GAREM1: variants seen among roughly 807,000 people sequenced by gnomAD.
GAREM1 encodes GRB2-associated and regulator of MAPK protein 1.
A neutral mutation model predicts 71.3 loss-of-function variants in GAREM1; 26 were observed. The ratio of observed to expected loss-of-function variants is 0.36; its 90% CI spans 0.27 to 0.51. The LOEUF (loss-of-function observed/expected upper bound fraction) is 0.51, where lower values mean the gene tolerates loss of function less well. Ranked by LOEUF, GAREM1 falls within the 20% of genes least tolerant of loss-of-function variation. The pLI, the probability that GAREM1 is intolerant of heterozygous loss-of-function variation, is 0.95. For synonymous variants in GAREM1, 440 were observed against 433.2 expected (o/e 1.02, Z -0.20); for missense variants, 1,026 against 1,103.1 (o/e 0.93, Z 0.99).
intron 1 of GAREM1, among the ~76,000 whole-genome samples, chr18:32,465,908 CAAAAG>C (rs1568022477): frequency 3.3e-5 from 5 of 152,168 alleles, no homozygotes; most frequent in African/African-American, 1.2e-4. Context: ...ACTCACTTTA[CAAAAG>C]TAATGCACTT....
At chr18:32,381,205 A>G (rs1426666829) in intron 2 of GAREM1, among the ~76,000 whole-genome samples, 1 of 146,394 alleles carries the variant, frequency 6.8e-6, no homozygotes, top group African/African-American at 2.8e-5. Flanking sequence ...CCCAAGAACT[A>G]AAAGGACATT....
intron 2 of GAREM1, among the ~76,000 whole-genome samples, chr18:32,314,453 C>A (rs1229723637): frequency 6.6e-6 from 1 of 152,182 alleles, no homozygotes; most frequent in Non-Finnish European, 1.5e-5. Context: ...AATGGGGACA[C>A]TTCAAGGGCC....
At chr18:32,307,667 G>C (rs188477461) in intron 3 of GAREM1, among the ~76,000 whole-genome samples, 1 of 152,196 alleles carries the variant, frequency 6.6e-6, no homozygotes, top group South Asian at 2.1e-4. Context: ...GGGATTAGAG[G>C]TGTGTGCCAC....
At chr18:32,427,742 C>G (rs117892744) in intron 1 of GAREM1, among the ~76,000 whole-genome samples, 1 of 152,138 alleles carries the variant, frequency 6.6e-6, no homozygotes, top group Admixed American at 6.5e-5. Context: ...TAAGCTCAGA[C>G]AACTAAAATG....
At chr18:32,338,515 T>C (rs1420096139) in intron 2 of GAREM1, among the ~76,000 whole-genome samples, 1 of 152,234 alleles carries the variant, frequency 6.6e-6, no homozygotes, top group Admixed American at 6.5e-5. Context: ...TATGAGTTTT[T>C]AGTTTTGTAA....
chr18:32,400,553 G>T (rs1404203522), intron 1 of GAREM1, among the ~76,000 whole-genome samples: 2 of 152,316 alleles, frequency 1.3e-5, no homozygotes, highest in South Asian at 2.1e-4. Flanking sequence ...CATTTATGCA[G>T]CCAACAGACA....
chr18:32,433,917 T>C (rs984382293), intron 1 of GAREM1, among the ~76,000 whole-genome samples: 1 of 152,124 alleles, frequency 6.6e-6, no homozygotes, highest in Admixed American at 6.6e-5. Flanking sequence ...GGTTTTTTTG[T>C]AGATACAGAA....
intron 3 of GAREM1, among the ~76,000 whole-genome samples, chr18:32,299,198 TA>T (rs984285962): frequency 1.3e-5 from 2 of 151,706 alleles, no homozygotes; most frequent in Non-Finnish European, 2.9e-5. Flanking sequence ...AACATATAAT[TA>T]AAAAAAACTG....
At chr18:32,284,895 G>T (rs1156922363) in intron 4 of GAREM1, among the ~76,000 whole-genome samples, 4 of 151,696 alleles carry the variant, frequency 2.6e-5, no homozygotes, top group African/African-American at 9.7e-5. Context: ...GACTACAGGC[G>T]CCCGCCACCA....
chr18:32,292,251 AT>A (rs539173829), intron 3 of GAREM1, among the ~76,000 whole-genome samples: 34 of 149,052 alleles, frequency 2.3e-4, no homozygotes, highest in South Asian at 1.5e-3. Context: ...AGTGATGATG[AT>A]TTTTTTTTTC....
At chr18:32,397,905 T>C (rs935568075) in intron 1 of GAREM1, among the ~76,000 whole-genome samples, 2 of 152,292 alleles carry the variant, frequency 1.3e-5, no homozygotes, top group African/African-American at 2.4e-5. Context: ...ATTGACCACA[T>C]AGTTGGAAGT....
intron 2 of GAREM1, among the ~76,000 whole-genome samples, chr18:32,373,678 A>G (rs1415250980): frequency 3.3e-5 from 5 of 152,206 alleles, no homozygotes; most frequent in Admixed American, 1.3e-4. Flanking sequence ...AAGCATTTCT[A>G]TAAGGATATC....
chr18:32,324,403 T>C (rs951008917), intron 2 of GAREM1, among the ~76,000 whole-genome samples: 1 of 152,152 alleles, frequency 6.6e-6, no homozygotes, highest in African/African-American at 2.4e-5. Flanking sequence ...CACACACCAG[T>C]GGGACCACAG....
At chr18:32,271,544 G>T (rs1261994043) in intron 4 of GAREM1, among the ~76,000 whole-genome samples, 1 of 152,134 alleles carries the variant, frequency 6.6e-6, no homozygotes, top group Non-Finnish European at 1.5e-5. Context: ...TAAAATGCAG[G>T]TTTTGATTCT....
intron 3 of GAREM1, among the ~76,000 whole-genome samples, chr18:32,294,454 T>G (rs530376707): frequency 6.6e-6 from 1 of 152,212 alleles, no homozygotes; most frequent in Admixed American, 6.5e-5. Flanking sequence ...GTTGAAAAAT[T>G]TGCCTTTTCC....
At chr18:32,379,604 T>G (rs11665262) in intron 2 of GAREM1, among the ~76,000 whole-genome samples, 1 of 150,588 alleles carries the variant, frequency 6.6e-6, no homozygotes, top group Non-Finnish European at 1.5e-5. Context: ...CTCAGGAGGC[T>G]GAGGCAAGGA....
chr18:32,301,340 T>C (rs1047930460), intron 3 of GAREM1, among the ~76,000 whole-genome samples: 13 of 152,264 alleles, frequency 8.5e-5, no homozygotes, highest in African/African-American at 2.7e-4. Flanking sequence ...ATGTGATATT[T>C]AAATAATCAG....
At chr18:32,446,225 T>G (rs984030868) in intron 1 of GAREM1, among the ~76,000 whole-genome samples, 1 of 96,374 alleles carries the variant, frequency 1.0e-5, no homozygotes, top group African/African-American at 4.8e-5. Flanking sequence ...TTCCCCATAG[T>G]GTGTGTGTGT....
At chr18:32,405,727 C>G (rs2048358575) in intron 1 of GAREM1, among the ~76,000 whole-genome samples, 1 of 152,208 alleles carries the variant, frequency 6.6e-6, no homozygotes, top group South Asian at 2.1e-4. Flanking sequence ...ATCCTCTGTG[C>G]TCTTTTCTCG....
Sources: gnomAD v4.1 joint callset for allele counts (sites outside exome capture counted in the v4.1 genomes callset) on GRCh38, gnomAD v4.1.1 for gene constraint, MANE v1.5 for transcripts, NCBI Gene and HGNC (gene_info 2026-07-23, HGNC 2026-07-21) for gene names.